The following GRID2 variants were observed in gnomAD, a reference collection of about 807,000 sequenced individuals.
GRID2 encodes glutamate ionotropic receptor delta type subunit 2, also known as glutamate receptor ionotropic, delta-2.
In GRID2, 33 loss-of-function variants were observed where a neutral mutation model predicts 114.8. That is an observed-to-expected ratio of 0.29 (90% CI 0.22 to 0.38). The LOEUF is 0.38. Among genes scored for constraint, GRID2 ranks in the 10% least tolerant of loss-of-function variants. GRID2 has a pLI of 1.00. For synonymous variants in GRID2, 505 were observed against 449.9 expected (o/e 1.12, Z -1.55); for missense variants, 1,184 against 1,257.7 (o/e 0.94, Z 0.89).
chr4:92,485,289 ATAAG>A (rs1416196013), intron 1 of GRID2, among the ~76,000 whole-genome samples: 1 of 126,204 alleles, frequency 7.9e-6, no homozygotes, highest in African/African-American at 2.9e-5. Flanking sequence ...TATATAATAA[ATAAG>A]GTGTGTGCAT....
At chr4:92,422,237 AGT>A (rs1484957210) in intron 1 of GRID2, among the ~76,000 whole-genome samples, 16 of 151,988 alleles carry the variant, frequency 1.1e-4, no homozygotes, top group Admixed American at 3.9e-4. Flanking sequence ...AGAGCCGGGT[AGT>A]GTGTCTAAAG....
intron 1 of GRID2, among the ~76,000 whole-genome samples, chr4:92,363,695 A>T (rs1175940028): frequency 5.3e-5 from 8 of 152,006 alleles, no homozygotes; most frequent in Admixed American, 4.6e-4. Context: ...CTATGTTCCT[A>T]AAATATCATA....
At chr4:92,482,011 TATATATATATATATATATATATAA>T (rs1246978443) in intron 1 of GRID2, among the ~76,000 whole-genome samples, 4 of 64,678 alleles carry the variant, frequency 6.2e-5, no homozygotes, top group African/African-American at 2.0e-4. Flanking sequence ...TATATATATA[TATATATATATATATATATATATAA>T]AATAACAATA....
chr4:93,223,449 G>T (rs760775444), intron 6 of GRID2, among the ~76,000 whole-genome samples: 3 of 152,110 alleles, frequency 2.0e-5, no homozygotes, highest in Non-Finnish European at 2.9e-5. Flanking sequence ...TAAAAGCTGT[G>T]CATTGCATCA....
intron 4 of GRID2, among the ~76,000 whole-genome samples, chr4:93,154,906 G>A (rs1363590988): frequency 1.3e-5 from 2 of 151,820 alleles, no homozygotes; most frequent in South Asian, 2.1e-4. Context: ...TTCTCATCCA[G>A]TTCACCTGAT....
At chr4:93,688,464 G>A (rs959450179) in intron 14 of GRID2, among the ~76,000 whole-genome samples, 7 of 151,888 alleles carry the variant, frequency 4.6e-5, no homozygotes, top group African/African-American at 1.7e-4. Context: ...AGAGTATTTT[G>A]TCCTTATTTT....
Position 93,085,186 on chromosome 4 carries a change from G to C in GRID2, c.436G>C (p.Val146Leu). 1 of 1,613,938 alleles carries C rather than the reference G, an allele frequency of 6.2e-7. No individual in the cohort carries two copies. ...SNRNDDYTLS[V>L]RPPVYLHDVI... ...CAGGAATGATGACTACACTCTCTCAGTTCGCCCACCTGTCTACTTGCATGA... is the reference window on the plus strand; with the variant it reads ...CAGGAATGATGACTACACTCTCTCACTTCGCCCACCTGTCTACTTGCATGA... The change falls in exon 3 of 16, where the codon GTT (valine) becomes CTT (leucine). Residue 146 changes from valine (V) to leucine (L), a missense_variant. Physicochemically the swap from Val to Leu is conservative, Grantham distance 32 (BLOSUM62 1). Coordinates refer to ENST00000282020, the MANE Select transcript of GRID2 (RefSeq NM_001510.4).
At chr4:92,807,887 T>C (rs539425386) in intron 2 of GRID2, among the ~76,000 whole-genome samples, 1 of 152,044 alleles carries the variant, frequency 6.6e-6, no homozygotes, top group Non-Finnish European at 1.5e-5. Flanking sequence ...TTAAGTATTG[T>C]GGTAGGCAGA....
chr4:93,226,910 C>T (rs1745547325), intron 7 of GRID2, among the ~76,000 whole-genome samples: 1 of 152,148 alleles, frequency 6.6e-6, no homozygotes, highest in South Asian at 2.1e-4. Flanking sequence ...TTACTACTTG[C>T]ACTCTGCAGA....
intron 2 of GRID2, among the ~76,000 whole-genome samples, chr4:92,638,150 TA>T (rs1731161783): frequency 1.3e-5 from 2 of 151,986 alleles, no homozygotes; most frequent in Admixed American, 6.6e-5. Flanking sequence ...ATTTTTGCTT[TA>T]AAAATTTATA....
At chr4:93,216,344 C>G (rs186499066) in intron 5 of GRID2, among the ~76,000 whole-genome samples, 149 of 151,738 alleles carry the variant, frequency 9.8e-4, no homozygotes, top group Non-Finnish European at 1.2e-3. Context: ...TGGCAATTAC[C>G]TTCCTAGATA....
At chr4:92,765,485 G>C (rs896130477) in intron 2 of GRID2, among the ~76,000 whole-genome samples, 1 of 152,112 alleles carries the variant, frequency 6.6e-6, no homozygotes, top group Non-Finnish European at 1.5e-5. Flanking sequence ...ATGAAGCAGA[G>C]AGTTTGTCTG....
rs374431742 is a variant in GRID2 at position 93,723,530 on chromosome 4, C to T, written c.2361-45680C>T. On this transcript the variant is annotated intron_variant, in intron 14 of 15. Transcript: ENST00000282020. ...GACCATAGTGACCATATACTTGCACCAGGTGCAGCTCATGTCACTTAATTC... is the reference window on the plus strand; with the variant it reads ...GACCATAGTGACCATATACTTGCACTAGGTGCAGCTCATGTCACTTAATTC... Among the ~76,000 whole-genome samples, 3 of 152,166 alleles carry T rather than the reference C, an allele frequency of 2.0e-5. No individual in the cohort carries two copies. In the East Asian group the frequency reaches 5.8e-4, roughly 29 times the overall value.
At chr4:93,345,686 T>C (rs1483710373) in intron 8 of GRID2, among the ~76,000 whole-genome samples, 14 of 152,116 alleles carry the variant, frequency 9.2e-5, no homozygotes, top group Non-Finnish European at 4.4e-5. Context: ...ACCTGTGCTT[T>C]TGTGGTTACA....
chr4:92,523,859 C>T (rs189552279), intron 1 of GRID2, among the ~76,000 whole-genome samples: 18 of 152,062 alleles, frequency 1.2e-4, no homozygotes, highest in Admixed American at 5.9e-4. Flanking sequence ...TAAGGTGGAA[C>T]TGTAGCTTTG....
chr4:93,456,811 G>C (rs868010340), intron 11 of GRID2, among the ~76,000 whole-genome samples: 1 of 151,918 alleles, frequency 6.6e-6, no homozygotes. Context: ...TTTTCTCTTG[G>C]ACCTTCCATT....
intron 1 of GRID2, among the ~76,000 whole-genome samples, chr4:92,443,538 G>A (rs1351072427): frequency 6.6e-6 from 1 of 152,062 alleles, no homozygotes; most frequent in Non-Finnish European, 1.5e-5. Context: ...AAAGGGGTTG[G>A]GGCACAGAGA....
intron 2 of GRID2, among the ~76,000 whole-genome samples, chr4:93,075,883 C>CTTTTTTTTTTTTTTCTTTTTTTTTTTT (rs1729226957): frequency 1.3e-5 from 1 of 76,606 alleles, no homozygotes; most frequent in African/African-American, 5.3e-5. Flanking sequence ...AGTTACCTCT[C>CTTTTTTTTTTTTTTCTTTTTTTTTTTT]TTTTTTTTTT....
At chr4:92,777,661 C>T (rs55664211) in intron 2 of GRID2, among the ~76,000 whole-genome samples, 35,227 of 150,610 alleles carry the variant, frequency 0.23, 4,498 homozygotes, top group South Asian at 0.34. Context: ...ATAAGGTCAT[C>T]GAGCCATGCC....
Sources: gnomAD v4.1 joint callset for allele counts (sites outside exome capture counted in the v4.1 genomes callset) on GRCh38, gnomAD v4.1.1 for gene constraint, MANE v1.5 for transcripts, NCBI Gene and HGNC (gene_info 2026-07-23, HGNC 2026-07-21) for gene names.